Variants in CELF4 observed in about 807,000 individuals in gnomAD.
CELF4 encodes CUGBP Elav-like family member 4.
CELF4 carries 18 observed loss-of-function variants against 59.9 expected under a neutral mutation model. The ratio of observed to expected loss-of-function variants is 0.30; its 90% CI spans 0.21 to 0.45. The LOEUF (loss-of-function observed/expected upper bound fraction) is 0.45. Ranked by LOEUF, CELF4 falls within the 20% of genes least tolerant of loss-of-function variation. The pLI is 1.00. For synonymous variants in CELF4, 261 were observed against 267.1 expected (o/e 0.98, Z 0.22); for missense variants, 456 against 689.0 (o/e 0.66, Z 3.79).
At chr18:37,372,121 C>G (rs1358217896) in intron 2 of CELF4, among the ~76,000 whole-genome samples, 1 of 152,162 alleles carries the variant, frequency 6.6e-6, no homozygotes, top group Non-Finnish European at 1.5e-5. Flanking sequence ...CCCAGCCATC[C>G]CACTACTGGG....
intron 2 of CELF4, among the ~76,000 whole-genome samples, chr18:37,408,474 T>C (rs574324247): frequency 0.02 from 2,201 of 111,592 alleles, 71 homozygotes; most frequent in African/African-American, 0.061. Flanking sequence ...TTTTTTTTTT[T>C]CCCCCTTTGG....
intron 2 of CELF4, among the ~76,000 whole-genome samples, chr18:37,459,855 C>T (rs1168358315): frequency 6.6e-6 from 1 of 152,198 alleles, no homozygotes; most frequent in Non-Finnish European, 1.5e-5. Flanking sequence ...TAACAACACA[C>T]CAACTTGTTT....
intron 2 of CELF4, among the ~76,000 whole-genome samples, chr18:37,466,478 G>C (rs2099809433): frequency 6.6e-6 from 1 of 152,170 alleles, no homozygotes; most frequent in African/African-American, 2.4e-5. Flanking sequence ...ATACAAGCCT[G>C]ACCAGAGCCC....
At chr18:37,477,963 A>G (rs932415430) in intron 2 of CELF4, among the ~76,000 whole-genome samples, 7 of 152,146 alleles carry the variant, frequency 4.6e-5, no homozygotes, top group Non-Finnish European at 1.0e-4. Context: ...TGGGGGTACC[A>G]TCAGGAATCC....
chr18:37,421,981 C>A (rs1200665140), intron 2 of CELF4, among the ~76,000 whole-genome samples: 1 of 152,232 alleles, frequency 6.6e-6, no homozygotes, highest in Non-Finnish European at 1.5e-5. Context: ...ATTCCTGGAG[C>A]CTTGCCCTTA....
chr18:37,401,039 T>C (rs1252529921), intron 2 of CELF4, among the ~76,000 whole-genome samples: 1 of 152,140 alleles, frequency 6.6e-6, no homozygotes, highest in African/African-American at 2.4e-5. Context: ...AGAGTAGGTG[T>C]GGGGGTCCTT....
intron 2 of CELF4, among the ~76,000 whole-genome samples, chr18:37,462,794 T>TG (rs774588041): frequency 2.3e-5 from 2 of 88,364 alleles, no homozygotes; most frequent in African/African-American, 3.7e-5. Flanking sequence ...CATTATGAGG[T>TG]TTTTTTTTTT....
At chr18:37,558,806 C>CGTGTGTGT (rs147683102) in intron 1 of CELF4, among the ~76,000 whole-genome samples, 87 of 145,544 alleles carry the variant, frequency 6.0e-4, no homozygotes, top group East Asian at 2.1e-3. Flanking sequence ...GCTGTCAGGT[C>CGTGTGTGT]GTGTGTGTGT....
intron 2 of CELF4, among the ~76,000 whole-genome samples, chr18:37,339,839 C>T (rs2097925457): frequency 6.6e-6 from 1 of 151,312 alleles, no homozygotes; most frequent in African/African-American, 2.4e-5. Flanking sequence ...AATGAATGAA[C>T]ACATAGCAGA....
chr18:37,247,852 G>A (rs1411480415), intron 12 of CELF4, among the ~76,000 whole-genome samples: 1 of 152,174 alleles, frequency 6.6e-6, no homozygotes, highest in Non-Finnish European at 1.5e-5. Flanking sequence ...TCAGGGAGCA[G>A]GCGCTCTGCT....
intron 2 of CELF4, among the ~76,000 whole-genome samples, chr18:37,346,347 A>T (rs566810101): frequency 6.6e-6 from 1 of 152,274 alleles, no homozygotes; most frequent in African/African-American, 2.4e-5. Context: ...GCCCAGGGGG[A>T]AAAAAGAGCT....
chr18:37,321,034 T>C (rs899738850), intron 3 of CELF4, among the ~76,000 whole-genome samples: 2 of 152,120 alleles, frequency 1.3e-5, no homozygotes, highest in African/African-American at 4.8e-5. Flanking sequence ...TAGGGGAGCC[T>C]AGGGCCAGGG....
chr18:37,516,166 T>G (rs1261586594), intron 1 of CELF4, among the ~76,000 whole-genome samples: 2 of 152,160 alleles, frequency 1.3e-5, no homozygotes, highest in South Asian at 2.1e-4. Flanking sequence ...CTTCTCATCA[T>G]CCTAATCATA....
intron 1 of CELF4, among the ~76,000 whole-genome samples, chr18:37,493,078 A>G (rs916192748): frequency 1.3e-5 from 2 of 152,094 alleles, no homozygotes; most frequent in Non-Finnish European, 2.9e-5. Flanking sequence ...TATTCCAACA[A>G]TTCCTGCAGT....
At chr18:37,417,021 G>A (rs2099534453) in intron 2 of CELF4, among the ~76,000 whole-genome samples, 1 of 151,414 alleles carries the variant, frequency 6.6e-6, no homozygotes. Context: ...AAAGCAGGAA[G>A]GAAGAAGGAA....
Position 37,246,965 on chromosome 18 carries a change from C to T in CELF4, c.*45-1768G>A, listed in dbSNP as rs1345568092. ...ACCACTGCAAGCACCAAGAACGAAA[C>T]GAAAATGAGCACAGCAAAAAAGATT... On this transcript the variant is annotated intron_variant, in intron 12 of 12. Transcript: ENST00000420428. This position sits in a 1 kb window ranked among gnomAD's most constrained non-coding sequence, Gnocchi z 5.3. 5.3e-5 allele frequency: 8 copies of T among 151,944 alleles called. No individual in the cohort carries two copies. The highest frequency in any genetic ancestry group is 8.8e-5 in the Non-Finnish European group (6 of 68,014). The allele number at this position is 151,944 out of a possible 1,614,324, so 9.4% of individuals were successfully genotyped here. A position where few individuals can be genotyped will look rare whatever the true frequency, so the allele number is the denominator to read the frequency against.
intron 3 of CELF4, among the ~76,000 whole-genome samples, chr18:37,317,055 G>A (rs988861987): frequency 6.6e-6 from 1 of 152,142 alleles, no homozygotes; most frequent in Non-Finnish European, 1.5e-5. Context: ...TTTAAGTGGG[G>A]CCAAGAACAT....
chr18:37,409,705 G>T (rs1426598229), intron 2 of CELF4, among the ~76,000 whole-genome samples: 2 of 152,120 alleles, frequency 1.3e-5, no homozygotes, highest in African/African-American at 4.8e-5. Context: ...ACAGGAGGGG[G>T]AGCTGAGGGA....
intron 1 of CELF4, among the ~76,000 whole-genome samples, chr18:37,518,235 G>A (rs1020092802): frequency 6.6e-6 from 1 of 152,256 alleles, no homozygotes; most frequent in East Asian, 1.9e-4. Context: ...GCGGGCAAGC[G>A]TAATATTACC....
Sources: gnomAD v4.1 joint callset for allele counts (sites outside exome capture counted in the v4.1 genomes callset) on GRCh38, gnomAD v4.1.1 for gene constraint, Gnocchi (gnomAD v3.1) non-coding constraint, MANE v1.5 for transcripts, NCBI Gene and HGNC (gene_info 2026-07-23, HGNC 2026-07-21) for gene names.